The following SLC9C2 variants were observed in gnomAD, a reference collection of about 807,000 sequenced individuals.
SLC9C2 encodes solute carrier family 9 member C2 (putative), also known as sodium/hydrogen exchanger 11.
In SLC9C2, 75 loss-of-function variants were observed where a neutral mutation model predicts 140.2. The observed-to-expected ratio is 0.53, with a 90% CI of 0.44 to 0.65. The LOEUF is 0.65. SLC9C2 is among the 30% of genes least tolerant of loss of function. The probability of loss-of-function intolerance (pLI) is 0.00; values close to 1 mark genes in which losing one functional copy is unlikely to be tolerated. For missense variants in SLC9C2, 1,074 were observed against 1,331.8 expected, an observed-to-expected ratio of 0.81 and a Z score of 3.01; for synonymous variants, 375 against 420.9, an observed-to-expected ratio of 0.89 and a Z score of 1.34.
rs369373002 is a variant in SLC9C2, at chr1:173,547,915, G to A, written c.1462-131C>T. 21 of 659,822 alleles carry A rather than the reference G, an allele frequency of 3.2e-5. No homozygotes were observed. The Admixed American group carries it at 4.5e-4, about 14-fold the overall frequency. The allele number at this position is 659,822 out of a possible 1,614,324, so 40.9% of individuals were successfully genotyped here. Reference sequence around the variant, plus strand: ...TTCAAAGCAGAATTGCTAGAATGAAGAGCTATGTAATGTTTTTTCATATAA... The same window carrying A: ...TTCAAAGCAGAATTGCTAGAATGAAAAGCTATGTAATGTTTTTTCATATAA... On this transcript the variant is annotated intron_variant, in intron 12 of 27. Coordinates refer to ENST00000367714, the MANE Select transcript of SLC9C2 (RefSeq NM_178527.4).
At chr1:173,527,802 T>C (rs1289028314) in intron 18 of SLC9C2, among the ~76,000 whole-genome samples, 35 of 152,208 alleles carry the variant, frequency 2.3e-4, no homozygotes, top group Non-Finnish European at 2.9e-5. Flanking sequence ...TTAAGCAAAG[T>C]TAAGTTTTTG....
intron 21 of SLC9C2, among the ~76,000 whole-genome samples, 187 bp from the exon 22 acceptor site, chr1:173,521,586 A>G (rs1660829470): frequency 6.6e-6 from 1 of 150,426 alleles, no homozygotes; most frequent in African/African-American, 2.4e-5. Flanking sequence ...CACTAATTAT[A>G]TTCTTGGTTT....
At chr1:173,598,126 T>A (rs1484653350) in intron 3 of SLC9C2, 94 bp from the exon 4 acceptor site, 2 of 1,349,742 alleles carry the variant, frequency 1.5e-6, no homozygotes, top group Non-Finnish European at 2.0e-6. Flanking sequence ...AATTTTAGAA[T>A]CTTTCAGTTT....
At chr1:173,566,188 C>A (rs1664462437) in intron 9 of SLC9C2, among the ~76,000 whole-genome samples, 1 of 152,064 alleles carries the variant, frequency 6.6e-6, no homozygotes, top group Admixed American at 6.6e-5. Flanking sequence ...GTAATACTGA[C>A]TTCTTAGAAC....
At chr1:173,561,887 C>CA (rs1558068630) in intron 9 of SLC9C2, among the ~76,000 whole-genome samples, 2,737 of 141,084 alleles carry the variant, frequency 0.019, 60 homozygotes, top group East Asian at 0.13. Flanking sequence ...ACACACACAC[C>CA]CCCAACTGTA....
At chr1:173,549,596 T>C (rs1343665251) in intron 11 of SLC9C2, among the ~76,000 whole-genome samples, 2 of 152,180 alleles carry the variant, frequency 1.3e-5, no homozygotes, top group Non-Finnish European at 2.9e-5. Context: ...TGGAAGAATA[T>C]GAGGAGGGAC....
chr1:173,516,398 T>C (rs1056000774), intron 23 of SLC9C2, among the ~76,000 whole-genome samples: 2 of 152,178 alleles, frequency 1.3e-5, no homozygotes, highest in Non-Finnish European at 2.9e-5. Flanking sequence ...GTTGTACAGA[T>C]TATTTCATCA....
At position 173,509,615 on chromosome 1, in the gene SLC9C2, C is replaced by T; in HGVS notation, c.2992G>A (p.Ala998Thr). The change falls in exon 24 of 28, where the codon GCT becomes ACT. Residue 998 changes from alanine (A) to threonine (T), a missense_variant. Coordinates refer to ENST00000367714, the MANE Select transcript of SLC9C2 (RefSeq NM_178527.4). ...AAATACTGATAGGCAGTACTGAGAG[C>T]AAGCTTTAGCCATATTTTATATTCC... ...SLEYKIWLKL[A>T]LSTAYQYFES... 2 of 1,597,672 alleles carry T rather than the reference C, an allele frequency of 1.3e-6. No homozygotes were observed. Among genetic ancestry groups the T allele is most frequent in the Non-Finnish European group, 1.7e-6 (2 of 1,174,998 alleles).
At chr1:173,505,102 G>T in intron 26 of SLC9C2, 145 bp downstream of exon 26, 1 of 664,510 alleles carries the variant, frequency 1.5e-6, no homozygotes, top group Non-Finnish European at 2.6e-6. Context: ...AGGGCAATGT[G>T]GCAGCCAGGG....
chr1:173,549,983 T>A (rs978406138), intron 11 of SLC9C2, among the ~76,000 whole-genome samples: 1 of 152,172 alleles, frequency 6.6e-6, no homozygotes, highest in African/African-American at 2.4e-5. Context: ...TGGGTCAGGA[T>A]CCCTGGCAGC....
intron 4 of SLC9C2, among the ~76,000 whole-genome samples, chr1:173,591,966 C>T (rs1666189187): frequency 6.6e-6 from 1 of 152,072 alleles, no homozygotes; most frequent in African/African-American, 2.4e-5. Context: ...AATGGTATTT[C>T]CTAGCTTATC....
intron 7 of SLC9C2, among the ~76,000 whole-genome samples, chr1:173,581,069 G>C (rs1665499175): frequency 6.6e-6 from 1 of 152,182 alleles, no homozygotes; most frequent in South Asian, 2.1e-4. Context: ...GAAACCCTCA[G>C]GTGGCAATTA....
chr1:173,517,361 C>T (rs1456053416), intron 23 of SLC9C2, among the ~76,000 whole-genome samples, 176 bp downstream of exon 23: 1 of 152,130 alleles, frequency 6.6e-6, no homozygotes, highest in African/African-American at 2.4e-5. Flanking sequence ...AGGCAGGATG[C>T]AGTGGAGCTT....
intron 9 of SLC9C2, among the ~76,000 whole-genome samples, chr1:173,570,564 G>A (rs954485193): frequency 6.6e-6 from 1 of 151,844 alleles, no homozygotes; most frequent in Non-Finnish European, 1.5e-5. Flanking sequence ...TGTCTCACTA[G>A]GTCACGCACT....
At chr1:173,570,745 A>G (rs1664792061) in intron 9 of SLC9C2, among the ~76,000 whole-genome samples, 1 of 152,172 alleles carries the variant, frequency 6.6e-6, no homozygotes, top group South Asian at 2.1e-4. Context: ...GCTGGTCTAA[A>G]TGTTCCCTCT....
intron 4 of SLC9C2, among the ~76,000 whole-genome samples, chr1:173,594,071 T>C (rs552506134): frequency 1.3e-5 from 2 of 152,292 alleles, no homozygotes; most frequent in South Asian, 2.1e-4. Context: ...ATTAGATTGA[T>C]AGCAGTTGTC....
chr1:173,574,335 C>T (rs866292026), intron 8 of SLC9C2, among the ~76,000 whole-genome samples: 1 of 152,166 alleles, frequency 6.6e-6, no homozygotes, highest in East Asian at 1.9e-4. Context: ...TCGATACACA[C>T]AGCATTACCC....
At chr1:173,572,420 T>C (rs1664900564) in intron 9 of SLC9C2, among the ~76,000 whole-genome samples, 1 of 118,884 alleles carries the variant, frequency 8.4e-6, no homozygotes, top group African/African-American at 4.8e-5. Context: ...GTTAGCAGAC[T>C]CAAGTTTCCA....
chr1:173,550,875 AGAGAGAGAGAGAGAGAG>A, intron 11 of SLC9C2, among the ~76,000 whole-genome samples: 1 of 63,198 alleles, frequency 1.6e-5, no homozygotes, highest in Non-Finnish European at 2.9e-5. Context: ...CCGTTGAAAG[AGAGAGAGAGAGAGAGAG>A]AGAGAGAGAG....
Sources: gnomAD v4.1 joint callset for allele counts (sites outside exome capture counted in the v4.1 genomes callset) on GRCh38, gnomAD v4.1.1 for gene constraint, MANE v1.5 for transcripts, NCBI Gene and HGNC (gene_info 2026-07-23, HGNC 2026-07-21) for gene names.